PRKD3: variants seen among roughly 807,000 people sequenced by gnomAD.
PRKD3 encodes the protein serine/threonine-protein kinase D3.
Under a neutral mutation model 99.2 loss-of-function variants are expected in PRKD3, and 47 were observed. The observed-to-expected ratio is 0.47, with a 90% CI of 0.38 to 0.60. The LOEUF is 0.60. Ranked by LOEUF, PRKD3 falls within the 20% of genes least tolerant of loss-of-function variation. The pLI is 0.00. For missense variants in PRKD3, 1,019 were observed against 1,088.4 expected, an observed-to-expected ratio of 0.94 and a Z score of 0.90; for synonymous variants, 392 against 355.4, an observed-to-expected ratio of 1.10 and a Z score of -1.16.
chr2:37,292,686 T>G (rs1670492343), intron 3 of PRKD3, among the ~76,000 whole-genome samples: 1 of 151,394 alleles, frequency 6.6e-6, no homozygotes, highest in Non-Finnish European at 1.5e-5. Context: ...CGCTCTGTTG[T>G]CCAGGCGGAA....
At chr2:37,282,501 C>T (rs765785667) in intron 7 of PRKD3, 41 bp downstream of exon 7, 15 of 1,261,942 alleles carry the variant, frequency 1.2e-5, no homozygotes, top group Middle Eastern at 1.9e-4. Context: ...GAATCATGGC[C>T]TTTTCTGATC....
intron 2 of PRKD3, among the ~76,000 whole-genome samples, chr2:37,300,299 C>T (rs557902459): frequency 6.6e-6 from 1 of 151,808 alleles, no homozygotes; most frequent in Non-Finnish European, 1.5e-5. Flanking sequence ...CATGTTCTCA[C>T]TTGTATGTGA....
chr2:37,287,635 G>A (rs1442998613), intron 5 of PRKD3, among the ~76,000 whole-genome samples: 4 of 152,164 alleles, frequency 2.6e-5, no homozygotes, highest in African/African-American at 7.2e-5. Context: ...TTGTGCTTGA[G>A]TATTTGGATT....
At chr2:37,294,322 C>A (rs1450182415) in intron 2 of PRKD3, among the ~76,000 whole-genome samples, 1 of 152,070 alleles carries the variant, frequency 6.6e-6, no homozygotes. Context: ...TGTTGAACTT[C>A]TAGACTCAAG....
intron 5 of PRKD3, among the ~76,000 whole-genome samples, chr2:37,288,489 A>G: frequency 6.6e-6 from 1 of 152,186 alleles, no homozygotes; most frequent in East Asian, 1.9e-4. Context: ...TTTGCCATTA[A>G]TTTACAGAAG....
At chr2:37,295,242 G>A (rs1365775753) in intron 2 of PRKD3, among the ~76,000 whole-genome samples, 6 of 151,758 alleles carry the variant, frequency 4.0e-5, no homozygotes, top group African/African-American at 1.2e-4. Context: ...TAGGAAGACA[G>A]AAATAAACAC....
intron 9 of PRKD3, 98 bp downstream of exon 9, chr2:37,277,768 T>C: frequency 7.5e-7 from 1 of 1,341,842 alleles, no homozygotes; most frequent in Non-Finnish European, 1.0e-6. Flanking sequence ...ATATAATGTC[T>C]TAATATGTAT....
chr2:37,269,568 GT>G, intron 13 of PRKD3, 46 bp downstream of exon 13: 2 of 1,512,280 alleles, frequency 1.3e-6, no homozygotes, highest in Non-Finnish European at 1.8e-6. Flanking sequence ...ACATTTTCCA[GT>G]TTTTAAAATA....
At chr2:37,271,585 G>C (rs1669267174) in intron 12 of PRKD3, among the ~76,000 whole-genome samples, 1 of 152,198 alleles carries the variant, frequency 6.6e-6, no homozygotes, top group Non-Finnish European at 1.5e-5. Context: ...GTGAGCAGCA[G>C]GTTAGCAAGC....
Position 37,274,691 on chromosome 2 carries a change from G to A in PRKD3, c.1381C>T (p.Pro461Ser). 2 of 1,611,742 alleles carry A rather than the reference G, an allele frequency of 1.2e-6. No homozygotes were observed. The highest frequency in any genetic ancestry group is 1.7e-6 in the Non-Finnish European group (2 of 1,178,320). Residue 461 changes from proline (P) to serine (S), a missense_variant, in exon 11 of 19, where the codon CCA becomes TCA. Coordinates refer to ENST00000234179, the MANE Select transcript of PRKD3 (RefSeq NM_005813.6). The stretch of plus-strand genomic sequence containing the variant: ...GATATGCGGAGAATTTCTGAAAGTG[G>A]AATTTCCTGAAGTAAAAAATTAAGC... ...ESGSKYYKEI[P>S]LSEILRISSP...
intron 14 of PRKD3, among the ~76,000 whole-genome samples, chr2:37,262,785 A>G (rs907389653): frequency 3.9e-5 from 6 of 151,984 alleles, no homozygotes; most frequent in Admixed American, 6.6e-5. Flanking sequence ...TACATTTTCT[A>G]TTTCCTCTGG....
Position 37,289,372 on chromosome 2 carries a change from G to C in PRKD3, c.701C>G (p.Ala234Gly). Residue 234 changes from alanine (A) to glycine (G), a missense_variant, in exon 5 of 19, where the codon GCC (alanine) becomes GGC (glycine). By Grantham distance (60) the Ala-to-Gly change is moderately conservative. Coordinates refer to ENST00000234179, the MANE Select transcript of PRKD3 (RefSeq NM_005813.6). ...VPRPLQPEYV[A>G]LPSEESHVHQ... ...AATACGTACCTCTTCACTGGGAAGGGCTACATATTCAGGCTGTAGGGGTCT... is the reference window on the plus strand; with the variant it reads ...AATACGTACCTCTTCACTGGGAAGGCCTACATATTCAGGCTGTAGGGGTCT... The C allele has an allele frequency of 6.2e-7, 1 of 1,614,006 alleles. No individual in the cohort carries two copies. The highest frequency in any genetic ancestry group is 8.5e-7 in the Non-Finnish European group (1 of 1,179,980).
At chr2:37,305,601 A>C (rs576312994) in intron 2 of PRKD3, among the ~76,000 whole-genome samples, 2 of 152,336 alleles carry the variant, frequency 1.3e-5, no homozygotes, top group East Asian at 1.9e-4. Flanking sequence ...ACAGACTCTT[A>C]ATTTCCTCAA....
chr2:37,301,715 G>A (rs11897904), intron 2 of PRKD3, among the ~76,000 whole-genome samples: 4,986 of 152,242 alleles, frequency 0.033, 104 homozygotes, highest in Non-Finnish European at 0.048. Context: ...CCAGTAAAAT[G>A]GTGTATATAT....
intron 15 of PRKD3, among the ~76,000 whole-genome samples, 155 bp downstream of exon 15, chr2:37,260,068 G>C (rs1668295254): frequency 6.6e-6 from 1 of 151,982 alleles, no homozygotes. Context: ...GGGAGGCTGA[G>C]GCATGAGAAT....
At chr2:37,268,515 G>T in intron 13 of PRKD3, 1 of 348,200 alleles carries the variant, frequency 2.9e-6, no homozygotes. Flanking sequence ...AAAGTTCAGT[G>T]GGAAGACAAT....
chr2:37,280,074 TAG>T (rs749050775), intron 7 of PRKD3, 145 bp from the exon 8 acceptor site: 4 of 562,564 alleles, frequency 7.1e-6, no homozygotes, highest in Non-Finnish European at 5.8e-6. Flanking sequence ...TTTTTTGAGA[TAG>T]AGTTTCACTC....
At chr2:37,279,983 T>A in intron 7 of PRKD3, 54 bp from the exon 8 acceptor site, 1 of 1,270,590 alleles carries the variant, frequency 7.9e-7, no homozygotes, top group South Asian at 1.4e-5. Flanking sequence ...GGAAGTCCAT[T>A]AAATGTGAAA....
intron 4 of PRKD3, 146 bp downstream of exon 4, chr2:37,290,722 G>A (rs551347265): frequency 2.4e-6 from 2 of 824,182 alleles, no homozygotes; most frequent in Admixed American, 3.1e-5. Flanking sequence ...AGGTGGCAGA[G>A]ATAAAATGAG....
Sources: allele counts gnomAD v4.1 joint callset (sites outside exome capture counted in the v4.1 genomes callset), GRCh38; gene constraint gnomAD v4.1.1; transcripts MANE v1.5; gene names NCBI Gene and HGNC (gene_info 2026-07-23, HGNC 2026-07-21).